The following ADCY2 variants were observed in gnomAD, a reference collection of about 807,000 sequenced individuals.
ADCY2 encodes the protein adenylate cyclase type 2.
ADCY2 carries 31 observed loss-of-function variants against 125.2 expected under a neutral mutation model. The observed-to-expected ratio is 0.25, with a 90% CI of 0.19 to 0.33. The LOEUF is 0.33. Among genes scored for constraint, ADCY2 ranks in the 10% least tolerant of loss-of-function variants. ADCY2 has a pLI of 1.00. For synonymous variants in ADCY2, 512 were observed against 548.4 expected (o/e 0.93, Z 0.93); for missense variants, 904 against 1,418.2 (o/e 0.64, Z 5.82).
At chr5:7,403,242 T>C (rs1739338045) in intron 1 of ADCY2, among the ~76,000 whole-genome samples, 2 of 152,146 alleles carry the variant, frequency 1.3e-5, no homozygotes, top group Admixed American at 1.3e-4. Flanking sequence ...ATGAAAGAAA[T>C]AAAATTGTAG....
chr5:7,455,128 A>G (rs1054442602), intron 2 of ADCY2, among the ~76,000 whole-genome samples: 2 of 152,168 alleles, frequency 1.3e-5, no homozygotes, highest in Non-Finnish European at 2.9e-5. Context: ...AACTTAGCAT[A>G]CTGCCATCTT....
chr5:7,730,685 C>T (rs973520802), intron 14 of ADCY2, among the ~76,000 whole-genome samples: 4 of 152,070 alleles, frequency 2.6e-5, no homozygotes, highest in African/African-American at 7.2e-5. Context: ...CTTTTATTTT[C>T]GCTCAGAATT....
intron 15 of ADCY2, among the ~76,000 whole-genome samples, chr5:7,748,147 A>G (rs988818837): frequency 6.6e-6 from 1 of 152,024 alleles, no homozygotes; most frequent in African/African-American, 2.4e-5. Context: ...TCATCTCACC[A>G]TTGCCAGCTA....
intron 2 of ADCY2, among the ~76,000 whole-genome samples, chr5:7,425,486 T>G (rs1740354352): frequency 6.6e-6 from 1 of 152,260 alleles, no homozygotes; most frequent in Non-Finnish European, 1.5e-5. Context: ...CATGCAGGCA[T>G]GCAGAGAACC....
At chr5:7,808,679 T>C (rs1348904883) in intron 22 of ADCY2, among the ~76,000 whole-genome samples, 2 of 152,166 alleles carry the variant, frequency 1.3e-5, no homozygotes, top group Non-Finnish European at 2.9e-5. Flanking sequence ...TGGTGCTGCT[T>C]CCTGTTGTCC....
At chr5:7,478,432 TA>T (rs1387933892) in intron 2 of ADCY2, among the ~76,000 whole-genome samples, 1 of 152,244 alleles carries the variant, frequency 6.6e-6, no homozygotes, top group Non-Finnish European at 1.5e-5. Flanking sequence ...TGTGTATACA[TA>T]AGTGTGTATA....
intron 3 of ADCY2, among the ~76,000 whole-genome samples, chr5:7,541,099 C>T (rs980483): frequency 0.11 from 16,529 of 152,206 alleles, 1,028 homozygotes; most frequent in Non-Finnish European, 0.12. Context: ...TGCATCAACT[C>T]CAGTTTCTCT....
At chr5:7,528,003 A>G (rs1734531073) in intron 3 of ADCY2, among the ~76,000 whole-genome samples, 1 of 152,212 alleles carries the variant, frequency 6.6e-6, no homozygotes, top group Admixed American at 6.5e-5. Context: ...TCCACAGGAA[A>G]AGAAAAAGGA....
intron 4 of ADCY2, among the ~76,000 whole-genome samples, chr5:7,686,147 G>A (rs530430748): frequency 7.2e-5 from 11 of 152,088 alleles, no homozygotes; most frequent in Admixed American, 6.6e-4. Flanking sequence ...AAGGAACAGG[G>A]TATAGTATGT....
intron 3 of ADCY2, among the ~76,000 whole-genome samples, chr5:7,608,676 C>A (rs1312931166): frequency 4.6e-5 from 7 of 152,210 alleles, no homozygotes; most frequent in African/African-American, 1.7e-4. Context: ...TTTATTCCTA[C>A]CTGGCCCCTC....
intron 4 of ADCY2, among the ~76,000 whole-genome samples, chr5:7,632,259 G>A (rs1044062059): frequency 6.6e-6 from 1 of 152,088 alleles, no homozygotes; most frequent in Non-Finnish European, 1.5e-5. Context: ...CCTGGGTTCT[G>A]ACATCTCAGA....
In ADCY2 at chr5:7,397,455, T is replaced by G. The variant is rs796866397; in HGVS notation, c.210+949T>G. On this transcript the variant is annotated intron_variant, in intron 1 of 24. Transcript: ENST00000338316. ...ATTATCCACCAGTGAGTTTTTTTTT[T>G]TTTTTTTTTTTTTTTTTTAGTCAGT... Among the ~76,000 whole-genome samples, 87 of 132,628 alleles carry G rather than the reference T, an allele frequency of 6.6e-4. 1 individual carries two copies. The highest frequency in any genetic ancestry group is 2.2e-3 in the African/African-American group (69 of 31,082). 87.0% of individuals were successfully genotyped at this position (132,628 alleles called of 152,430 possible).
At chr5:7,627,153 T>G (rs912897364) in intron 4 of ADCY2, among the ~76,000 whole-genome samples, 1 of 151,964 alleles carries the variant, frequency 6.6e-6, no homozygotes, top group Non-Finnish European at 1.5e-5. Context: ...CCACATAGGA[T>G]GAAATGTTGG....
rs541124496 is a variant in ADCY2, at chr5:7,826,925, C to G, written c.*54C>G. On this transcript the variant is annotated 3_prime_UTR_variant, in exon 25 of 25. Transcript: ENST00000338316. ...TGTATTTTCAGGAAGGTATCACACA[C>G]TTTCTGACTGCAACTTCTGTCCCTT... 6.4e-7 allele frequency: 1 copy of G among 1,551,044 alleles called. No individual in the cohort carries two copies. Among genetic ancestry groups the G allele is most frequent in the African/African-American group, 1.4e-5 (1 of 72,994 alleles).
At chr5:7,398,812 G>A (rs994801168) in intron 1 of ADCY2, among the ~76,000 whole-genome samples, 1 of 152,208 alleles carries the variant, frequency 6.6e-6, no homozygotes, top group African/African-American at 2.4e-5. Flanking sequence ...CCGGACCTGA[G>A]TCGGGACTGG....
intron 24 of ADCY2, among the ~76,000 whole-genome samples, chr5:7,823,994 T>C (rs987391441): frequency 2.6e-5 from 4 of 152,186 alleles, no homozygotes; most frequent in African/African-American, 9.7e-5. Flanking sequence ...TTTGTAGACC[T>C]GTGTTTGCTT....
At chr5:7,769,213 A>G (rs575598026) in intron 17 of ADCY2, among the ~76,000 whole-genome samples, 17 of 152,324 alleles carry the variant, frequency 1.1e-4, no homozygotes, top group Admixed American at 3.9e-4. Flanking sequence ...TTTACCAAAA[A>G]CATGTTTGTG....
intron 4 of ADCY2, among the ~76,000 whole-genome samples, chr5:7,654,999 T>C (rs1461602832): frequency 1.3e-5 from 2 of 152,196 alleles, no homozygotes; most frequent in Non-Finnish European, 2.9e-5. Context: ...AAATTTTAGA[T>C]GCCCTTTGAG....
intron 2 of ADCY2, among the ~76,000 whole-genome samples, chr5:7,460,064 G>A (rs1460097883): frequency 6.6e-6 from 1 of 151,988 alleles, no homozygotes; most frequent in African/African-American, 2.4e-5. Flanking sequence ...GGGATTACAG[G>A]TGTGAGCCAC....
Sources: gnomAD v4.1 joint callset for allele counts (sites outside exome capture counted in the v4.1 genomes callset) on GRCh38, gnomAD v4.1.1 for gene constraint, MANE v1.5 for transcripts, NCBI Gene and HGNC (gene_info 2026-07-23, HGNC 2026-07-21) for gene names.